The following USE1 variants were observed in gnomAD, a reference collection of about 807,000 sequenced individuals.
USE1 encodes the protein unconventional SNARE in the ER 1, also known as vesicle transport protein USE1.
USE1 carries 32 observed loss-of-function variants against 37.6 expected under a neutral mutation model. The ratio of observed to expected loss-of-function variants is 0.85; its 90% CI spans 0.64 to 1.14. The LOEUF is 1.14. Among genes scored for constraint, USE1 ranks in the 50% most tolerant of loss-of-function variants. The probability of loss-of-function intolerance (pLI) is 0.00; values close to 1 mark genes in which losing one functional copy is unlikely to be tolerated. For missense variants in USE1, 310 were observed against 332.2 expected (o/e 0.93, Z 0.52); for synonymous variants, 149 against 137.6 (o/e 1.08, Z -0.58).
rs1441769191 is a variant in USE1, at chr19:17,216,217, C to T, written c.280C>T (p.Arg94Cys). The change falls in exon 4 of 8, where the codon CGT becomes TGT. Residue 94 changes from arginine to cysteine, a missense_variant. Transcript: ENST00000263897. ...ALANQFLAPGRVPTTARERVP... is the reference protein window; with the variant it reads ...ALANQFLAPGCVPTTARERVP... ...GGCCAACCAGTTCCTGGCCCCTGGC[C>T]GTGTGCCAACCACAGCCAGAGAGCG... is the stretch of plus-strand genomic sequence containing the variant. The T allele has an allele frequency of 1.4e-5, 22 of 1,612,750 alleles. No individual in the cohort carries two copies. Among genetic ancestry groups the T allele is most frequent in the African/African-American group, 5.3e-5 (4 of 74,934 alleles).
Position 17,216,167 on chromosome 19 carries a change from A to G in USE1, c.232-2A>G. On this transcript the variant is annotated splice_acceptor_variant, in intron 3 of 7. Coordinates refer to ENST00000263897, the MANE Select transcript of USE1 (RefSeq NM_018467.4). LOFTEE classifies it high-confidence loss of function. ...GTGACTTATCTTCCCACATTTCTGC[A>G]GACCTCCTCCTCAGAGAAAGCACTG... 9 of 1,612,870 alleles carry G rather than the reference A, an allele frequency of 5.6e-6. No homozygotes were observed. Among genetic ancestry groups the G allele is most frequent in the Non-Finnish European group, 7.6e-6 (9 of 1,179,504 alleles).
rs1181507260 is a variant in USE1 at position 17,215,428 on chromosome 19, T to C, written c.23T>C (p.Leu8Pro). Residue 8 changes from leucine to proline, a missense_variant, in exon 1 of 8, where the codon CTA becomes CCA. Leu to Pro is a moderately conservative substitution (Grantham distance 98). Transcript: ENST00000263897. ...ATAATGGCGGCGTCGAGGCTGGAGC[T>C]AAACCTGGTGCGGCTGCTATCCCGC... MAASRLE[L>P]NLVRLLSRCE... is the part of the protein sequence containing the mutation. The C allele has an allele frequency of 6.4e-7, 1 of 1,561,480 alleles. No homozygotes were observed. Among genetic ancestry groups the C allele is most frequent in the Non-Finnish European group, 8.7e-7 (1 of 1,154,378 alleles).
chr19:17,217,223 C>T (rs1440882791), intron 4 of USE1, among the ~76,000 whole-genome samples: 1 of 151,292 alleles, frequency 6.6e-6, no homozygotes, highest in Non-Finnish European at 1.5e-5. Flanking sequence ...GCAACCTCCG[C>T]CTCCCAGGTT....
intron 4 of USE1, among the ~76,000 whole-genome samples, 196 bp downstream of exon 4, chr19:17,216,517 G>A (rs2073291754): frequency 6.6e-6 from 1 of 152,198 alleles, no homozygotes; most frequent in South Asian, 2.1e-4. Flanking sequence ...ATAGGAATTT[G>A]GTACAAGGCA....
At chr19:17,216,440 T>A in intron 4 of USE1, 119 bp downstream of exon 4, 1 of 1,391,272 alleles carries the variant, frequency 7.2e-7, no homozygotes, top group Admixed American at 2.1e-5. Flanking sequence ...TCCAGCAATC[T>A]CTTCCCTGGG....
intron 7 of USE1, 60 bp downstream of exon 7, chr19:17,219,447 G>A (rs1308330915): frequency 1.3e-6 from 2 of 1,496,082 alleles, no homozygotes; most frequent in Non-Finnish European, 1.8e-6. Context: ...AGGCTTCCCA[G>A]CACAGGAGCA....
At chr19:17,218,186 A>G (rs1194365767) in intron 5 of USE1, 178 bp from the exon 6 acceptor site, 11 of 748,114 alleles carry the variant, frequency 1.5e-5, no homozygotes, top group African/African-American at 8.9e-5. Flanking sequence ...GAACCGAGAC[A>G]GGAGTAAGGA....
chr19:17,216,542 C>T (rs2073291892), intron 4 of USE1, among the ~76,000 whole-genome samples: 2 of 152,214 alleles, frequency 1.3e-5, no homozygotes, highest in African/African-American at 4.8e-5. Flanking sequence ...TGGAATGTGT[C>T]TGGTTAAGCC....
intron 5 of USE1, 131 bp downstream of exon 5, chr19:17,217,593 C>T: frequency 7.5e-7 from 1 of 1,325,426 alleles, no homozygotes; most frequent in South Asian, 1.3e-5. Flanking sequence ...CAAACTACAC[C>T]TGGAGGAAGA....
chr19:17,215,875 T>A, intron 2 of USE1, 24 bp downstream of exon 2: 4 of 1,601,856 alleles, frequency 2.5e-6, no homozygotes, highest in Non-Finnish European at 3.4e-6. Flanking sequence ...GCCTCAGGGC[T>A]TTCACATCAG....
intron 1 of USE1, 31 bp from the exon 2 acceptor site, chr19:17,215,771 C>T (rs1188725828): frequency 6.3e-7 from 1 of 1,599,534 alleles, no homozygotes; most frequent in Non-Finnish European, 8.5e-7. Flanking sequence ...TGGGAAAGAC[C>T]CCCGGGTGAC....
In USE1 at chr19:17,218,406, C is replaced by T. The variant is rs1263080110; in HGVS notation, c.422+15C>T. On this transcript the variant is annotated intron_variant, in intron 6 of 7. Transcript: ENST00000263897. ...AGGAAGAGAACGTGAGTGTCTGCGG[C>T]CCTGGGGCAGTAGTGGCAATTGGGC... 1 of 1,613,578 alleles carries T rather than the reference C, an allele frequency of 6.2e-7. No individual in the cohort carries two copies. Among genetic ancestry groups the T allele is most frequent in the Non-Finnish European group, 8.5e-7 (1 of 1,179,710 alleles).
chr19:17,215,736 C>A, intron 1 of USE1, 66 bp from the exon 2 acceptor site: 4 of 1,197,726 alleles, frequency 3.3e-6, no homozygotes, highest in African/African-American at 1.5e-5. Context: ...TCGGCCCCGC[C>A]CCCCCGACTC....
intron 7 of USE1, 109 bp from the exon 8 acceptor site, chr19:17,219,522 G>C: frequency 6.9e-7 from 1 of 1,451,032 alleles, no homozygotes; most frequent in Non-Finnish European, 9.2e-7. Flanking sequence ...ATTCCCAGCA[G>C]AGGGCACAGC....
rs2073288840 is a variant in USE1 at position 17,216,142 on chromosome 19, G to A, written c.232-27G>A. ...TTGGTCCCCAGGACCTGCCCCTCCA[G>A]TGACTTATCTTCCCACATTTCTGCA... On this transcript the variant is annotated intron_variant, in intron 3 of 7. Transcript: ENST00000263897. The A allele has an allele frequency of 5.0e-6, 8 of 1,613,172 alleles. No individual in the cohort carries two copies. In the East Asian group the frequency reaches 1.8e-4, roughly 36 times the overall value.
intron 3 of USE1, 46 bp from the exon 4 acceptor site, chr19:17,216,123 C>T (rs926703078): frequency 1.2e-6 from 2 of 1,613,464 alleles, no homozygotes; most frequent in Admixed American, 3.3e-5. Flanking sequence ...CACTTTGGTC[C>T]CCAGGACCTG....
At chr19:17,215,618 C>T in intron 1 of USE1, 111 bp downstream of exon 1, 1 of 1,413,218 alleles carries the variant, frequency 7.1e-7, no homozygotes, top group Non-Finnish European at 9.5e-7. Flanking sequence ...GGGCAGCGCC[C>T]TTTCCGGTCA....
rs200037828 is a variant in USE1 at position 17,219,199 on chromosome 19, G to A, written c.423-14G>A. 991 of 1,606,764 alleles carry A rather than the reference G, an allele frequency of 6.2e-4. 7 individuals carry two copies. The African/African-American group carries it at 0.011, about 18-fold the overall frequency. ...CCATCTCTCATGTCCTCCTCCCCCC[G>A]TGTGTGAAATCAGTGGAGTGGCAGG... On this transcript the variant is annotated splice_polypyrimidine_tract_variant and intron_variant, in intron 6 of 7. Coordinates refer to ENST00000263897, the MANE Select transcript of USE1 (RefSeq NM_018467.4).
At chr19:17,218,295 G>A in intron 5 of USE1, 69 bp from the exon 6 acceptor site, 1 of 1,604,116 alleles carries the variant, frequency 6.2e-7, no homozygotes, top group South Asian at 1.1e-5. Context: ...CCCAGCACAG[G>A]CAATGCTCAG....
Sources: allele counts gnomAD v4.1 joint callset (sites outside exome capture counted in the v4.1 genomes callset), GRCh38; gene constraint gnomAD v4.1.1; transcripts MANE v1.5; gene names NCBI Gene and HGNC (gene_info 2026-07-23, HGNC 2026-07-21).